TCTN1: variants seen among roughly 807,000 people sequenced by gnomAD.
TCTN1 encodes tectonic-1.
TCTN1 carries 58 observed loss-of-function variants against 65.8 expected under a neutral mutation model. The ratio of observed to expected loss-of-function variants is 0.88; its 90% CI spans 0.71 to 1.10. The LOEUF (loss-of-function observed/expected upper bound fraction) is 1.10. Among genes scored for constraint, TCTN1 ranks in the 50% least tolerant of loss-of-function variants. TCTN1 has a pLI of 0.00. For synonymous variants in TCTN1, 273 were observed against 289.1 expected, an observed-to-expected ratio of 0.94 and a Z score of 0.57; for missense variants, 645 against 719.4, an observed-to-expected ratio of 0.90 and a Z score of 1.18.
At chr12:110,618,068 G>C (rs1009109504) in intron 1 of TCTN1, among the ~76,000 whole-genome samples, 11 of 147,910 alleles carry the variant, frequency 7.4e-5, no homozygotes, top group Non-Finnish European at 1.5e-4. Context: ...TTTTTGGCTT[G>C]AGATCTTTTT....
rs186023032 is a variant in TCTN1, at chr12:110,621,967, G to A, written c.341+2011G>A. On this transcript the variant is annotated intron_variant, in intron 2 of 14. Transcript: ENST00000397659. ...AGCCTGGCCAAGATAGTGAAACCCC[G>A]TGTCTACTAAAAATACAAAAATCAG... Among the ~76,000 whole-genome samples, 49 of 151,578 alleles carry A rather than the reference G, an allele frequency of 3.2e-4. 1 individual carries two copies. In the East Asian group the frequency reaches 9.3e-3, roughly 29 times the overall value.
intron 6 of TCTN1, chr12:110,635,844 A>G (rs2066534541): frequency 6.5e-6 from 1 of 153,070 alleles, no homozygotes; most frequent in Non-Finnish European, 1.5e-5. Flanking sequence ...TAAGTCAGCC[A>G]TCTAGGCTTG....
At chr12:110,628,151 A>T (rs781628000) in intron 3 of TCTN1, 47 of 1,536,068 alleles carry the variant, frequency 3.1e-5, no homozygotes, top group Middle Eastern at 3.3e-4. Context: ...TTACAGGTTG[A>T]TACAGCAAAC....
intron 2 of TCTN1, among the ~76,000 whole-genome samples, chr12:110,620,593 G>A (rs185784866): frequency 2.4e-4 from 37 of 152,236 alleles, no homozygotes; most frequent in African/African-American, 6.7e-4. Flanking sequence ...ATAGCCTAGG[G>A]TGAAAAGTGC....
At chr12:110,622,377 T>C (rs774413437) in intron 2 of TCTN1, among the ~76,000 whole-genome samples, 2 of 152,006 alleles carry the variant, frequency 1.3e-5, no homozygotes, top group African/African-American at 2.4e-5. Flanking sequence ...ACCAGGGACA[T>C]AAAGATGAGT....
At chr12:110,648,236 G>A (rs539249447) in intron 14 of TCTN1, among the ~76,000 whole-genome samples, 52 of 152,312 alleles carry the variant, frequency 3.4e-4, no homozygotes, top group Admixed American at 1.4e-3. Context: ...CTCTGAAAGT[G>A]CTGGGATTAC....
At chr12:110,615,543 T>C (rs2064978695) in intron 1 of TCTN1, among the ~76,000 whole-genome samples, 1 of 152,178 alleles carries the variant, frequency 6.6e-6, no homozygotes, top group Non-Finnish European at 1.5e-5. Flanking sequence ...TGCAGTGGCG[T>C]GATTATATCT....
chr12:110,637,322 C>T (rs1027133875), intron 7 of TCTN1, among the ~76,000 whole-genome samples: 7 of 152,176 alleles, frequency 4.6e-5, no homozygotes, highest in African/African-American at 7.2e-5. Flanking sequence ...GGGATGCACT[C>T]GGGATGGGGA....
chr12:110,630,589 C>G (rs1464427818), intron 4 of TCTN1, among the ~76,000 whole-genome samples: 1 of 152,114 alleles, frequency 6.6e-6, no homozygotes, highest in African/African-American at 2.4e-5. Flanking sequence ...CATATAGAGG[C>G]ATATAAGTTG....
chr12:110,646,503 C>T (rs1338095930), intron 12 of TCTN1: 3 of 152,920 alleles, frequency 2.0e-5, no homozygotes, highest in South Asian at 2.1e-4. Flanking sequence ...ATTTGCCAAC[C>T]GGAGAGACTG....
Position 110,641,049 on chromosome 12 carries a change from A to T in TCTN1, c.1004A>T (p.Asp335Val). 6.2e-7 allele frequency: 1 copy of T among 1,614,250 alleles called. No individual in the cohort carries two copies. Among genetic ancestry groups the T allele is most frequent in the South Asian group, 1.1e-5 (1 of 91,072 alleles). Residue 335 changes from aspartate (D) to valine (V), a missense_variant, in exon 9 of 15, where the codon GAT becomes GTT. Physicochemically the swap from Asp to Val is radical, Grantham distance 152. Coordinates refer to ENST00000397659, the MANE Select transcript of TCTN1 (RefSeq NM_001082538.3). Reference protein sequence around the residue: ...LEVKYSLTYTDAGEVTKADLS... With the variant: ...LEVKYSLTYTVAGEVTKADLS... ...GTAAAGTACAGCCTCACATACACAG[A>T]TGCAGGTGAAGTCACCAAAGCTGAT...
chr12:110,626,581 A>G (rs947489112), intron 3 of TCTN1, 89 bp downstream of exon 3: 1 of 1,371,834 alleles, frequency 7.3e-7, no homozygotes. Flanking sequence ...TTTTATAATT[A>G]TGATTATGGT....
chr12:110,631,490 T>C (rs1347022135), intron 4 of TCTN1, among the ~76,000 whole-genome samples: 1 of 151,924 alleles, frequency 6.6e-6, no homozygotes, highest in East Asian at 2.0e-4. Context: ...AAAAATTAGC[T>C]GGGCGTGGTG....
intron 2 of TCTN1, among the ~76,000 whole-genome samples, chr12:110,624,548 A>C (rs2065692760): frequency 6.7e-6 from 1 of 149,728 alleles, no homozygotes; most frequent in Non-Finnish European, 1.5e-5. Context: ...GGATTTGTCA[A>C]ATCTGGGATT....
chr12:110,626,337 G>T, intron 2 of TCTN1, 25 bp from the exon 3 acceptor site: 1 of 1,548,674 alleles, frequency 6.5e-7, no homozygotes. Flanking sequence ...TTGTAACTTT[G>T]TATTATTATT....
At chr12:110,627,746 G>A (rs931274479) in intron 3 of TCTN1, 1 of 457,188 alleles carries the variant, frequency 2.2e-6, no homozygotes, top group African/African-American at 2.0e-5. Context: ...ATGAAAACAG[G>A]ATCTTTATTT....
Position 110,640,290 on chromosome 12 carries a change from A to G in TCTN1, c.844-93A>G, listed in dbSNP as rs2066866602. The G allele has an allele frequency of 3.5e-5, 53 of 1,517,146 alleles. No individual in the cohort carries two copies. In the South Asian group the frequency reaches 4.8e-4, roughly 14 times the overall value. The allele number at this position is 1,517,146 out of a possible 1,614,324, so 94.0% of individuals were successfully genotyped here. A position where few individuals can be genotyped will look rare whatever the true frequency, so the allele number is the denominator to read the frequency against. On this transcript the variant is annotated intron_variant, in intron 7 of 14. Coordinates refer to ENST00000397659, the MANE Select transcript of TCTN1 (RefSeq NM_001082538.3). This position sits in a 1 kb window ranked among gnomAD's most constrained non-coding sequence, Gnocchi z 4.9. ...AGCATGCTTCCCCCTACTTGGCCAT[A>G]TATCAGGGGAGGTTTCTTTCCAGTT...
chr12:110,646,921 T>C, intron 12 of TCTN1: 1 of 447,318 alleles, frequency 2.2e-6, no homozygotes, highest in Non-Finnish European at 4.1e-6. Context: ...TGGTCCACAG[T>C]TGGGTATTGG....
chr12:110,632,681 C>G (rs988502533), intron 5 of TCTN1, 122 bp downstream of exon 5: 4 of 957,202 alleles, frequency 4.2e-6, no homozygotes, highest in Admixed American at 3.7e-5. Context: ...TTTGCACCAA[C>G]TTAATACTTT....
Sources: gnomAD v4.1 joint callset for allele counts (sites outside exome capture counted in the v4.1 genomes callset) on GRCh38, gnomAD v4.1.1 for gene constraint, Gnocchi (gnomAD v3.1) non-coding constraint, MANE v1.5 for transcripts, NCBI Gene and HGNC (gene_info 2026-07-23, HGNC 2026-07-21) for gene names.